Variants in KCNN3 observed in about 807,000 individuals in gnomAD.
KCNN3 encodes potassium calcium-activated channel subfamily N member 3.
In KCNN3, 16 loss-of-function variants were observed where a neutral mutation model predicts 62.9. That is an observed-to-expected ratio of 0.25 (90% confidence interval 0.17 to 0.39). The LOEUF is 0.39. Ranked by LOEUF, KCNN3 falls within the 10% of genes least tolerant of loss-of-function variation. The pLI is 1.00. For missense variants in KCNN3, 599 were observed against 949.4 expected, an observed-to-expected ratio of 0.63 and a Z score of 4.85; for synonymous variants, 370 against 389.2, an observed-to-expected ratio of 0.95 and a Z score of 0.58.
At chr1:154,749,304 C>A (rs6698628) in intron 3 of KCNN3, among the ~76,000 whole-genome samples, 11,283 of 152,274 alleles carry the variant, frequency 0.074, 599 homozygotes, top group African/African-American at 0.14. Flanking sequence ...AAAGAAAAGA[C>A]GGGTGTCTTG....
In KCNN3 at chr1:154,805,400, C is replaced by A. The variant is rs528173028; in HGVS notation, c.1029+16689G>T. Among the ~76,000 whole-genome samples the A allele has an allele frequency of 1.2e-4, 18 of 152,280 alleles. No homozygotes were observed. In the East Asian group the frequency reaches 2.3e-3, roughly 20 times the overall value. On this transcript the variant is annotated intron_variant, in intron 2 of 7. Transcript: ENST00000271915. ...AGCAATTGAGCAATTAAATCAGAATCCCTAGGGGTGGGACTCAGGCACCAG... is the reference window on the plus strand; with the variant it reads ...AGCAATTGAGCAATTAAATCAGAATACCTAGGGGTGGGACTCAGGCACCAG...
chr1:154,856,207 A>C (rs56382016), intron 1 of KCNN3, among the ~76,000 whole-genome samples: 32,806 of 152,144 alleles, frequency 0.22, 4,007 homozygotes, highest in Non-Finnish European at 0.28. Flanking sequence ...GACAAGCAGG[A>C]CTCGTGCCAA....
chr1:154,847,941 C>T (rs1169867312), intron 1 of KCNN3, among the ~76,000 whole-genome samples: 1 of 152,244 alleles, frequency 6.6e-6, no homozygotes, highest in Non-Finnish European at 1.5e-5. Flanking sequence ...TCCCCCAGCT[C>T]CGACACGAAC....
At chr1:154,760,111 C>T (rs1647930423) in intron 3 of KCNN3, among the ~76,000 whole-genome samples, 2 of 152,116 alleles carry the variant, frequency 1.3e-5, no homozygotes, top group South Asian at 4.2e-4. Context: ...CTCTCAGGTT[C>T]AAGCGATTCT....
chr1:154,736,930 A>G lies in KCNN3; in HGVS notation c.1449-3786T>C, dbSNP rs926524160. The G allele has an allele frequency of 4.5e-6, 3 of 672,150 alleles. No homozygotes were observed. In the African/African-American group the frequency reaches 5.3e-5, roughly 12 times the overall value. The allele number at this position is 672,150 out of a possible 1,614,324, so 41.6% of individuals were successfully genotyped here. ...TGTCCTTCGTTGTTTGTCAGCCTTC[A>G]GTGATCGCTTCTCTGGTGGGGGCTA... is the stretch of plus-strand genomic sequence containing the variant. On this transcript the variant is annotated intron_variant, in intron 3 of 7. Coordinates refer to ENST00000271915, the MANE Select transcript of KCNN3 (RefSeq NM_002249.6).
At chr1:154,803,432 G>A (rs902820483) in intron 2 of KCNN3, among the ~76,000 whole-genome samples, 1 of 152,194 alleles carries the variant, frequency 6.6e-6, no homozygotes, top group Admixed American at 6.5e-5. Flanking sequence ...GGATGATCTG[G>A]TGTCATTATT....
chr1:154,846,756 T>A (rs1652078325), intron 1 of KCNN3, among the ~76,000 whole-genome samples: 1 of 152,178 alleles, frequency 6.6e-6, no homozygotes, highest in African/African-American at 2.4e-5. Flanking sequence ...CTCGCTGTAC[T>A]CCACAGTTGG....
chr1:154,808,535 A>T (rs1321860820), intron 2 of KCNN3, among the ~76,000 whole-genome samples: 1 of 152,128 alleles, frequency 6.6e-6, no homozygotes, highest in Non-Finnish European at 1.5e-5. Context: ...CTGCGTGCTT[A>T]TCTCTCCATT....
At chr1:154,778,611 C>CTTTTTTTTTTTTTTTTTTTTT (rs11459390) in intron 2 of KCNN3, among the ~76,000 whole-genome samples, 1 of 73,602 alleles carries the variant, frequency 1.4e-5, no homozygotes, top group Non-Finnish European at 2.5e-5. Context: ...CTCTCTGTCT[C>CTTTTTTTTTTTTTTTTTTTTT]TTTTTTTTTT....
intron 3 of KCNN3, among the ~76,000 whole-genome samples, chr1:154,745,477 C>T (rs562917338): frequency 6.6e-6 from 1 of 152,244 alleles, no homozygotes; most frequent in Non-Finnish European, 1.5e-5. Context: ...GGACAGCTGG[C>T]TGGTGTCACA....
chr1:154,699,188 T>C lies in KCNN3; in HGVS notation c.*8788A>G, dbSNP rs1699801647. ...CAAAACCTTCAGGCACTTGACTTTTTTTTTTTTTTTTAATATCCTTTACCT... is the reference window on the plus strand; with the variant it reads ...CAAAACCTTCAGGCACTTGACTTTTCTTTTTTTTTTTAATATCCTTTACCT... On this transcript the variant is annotated 3_prime_UTR_variant, in exon 8 of 8. Transcript: ENST00000271915. 1 of 151,796 alleles carries C rather than the reference T, an allele frequency of 6.6e-6. No homozygotes were observed. Among genetic ancestry groups the C allele is most frequent in the African/African-American group, 2.4e-5 (1 of 41,310 alleles). The allele number at this position is 151,796 out of a possible 1,614,324, so 9.4% of individuals were successfully genotyped here.
At chr1:154,755,941 G>A (rs374903532) in intron 3 of KCNN3, among the ~76,000 whole-genome samples, 2 of 141,016 alleles carry the variant, frequency 1.4e-5, no homozygotes, top group African/African-American at 5.6e-5. Flanking sequence ...GTGGAGGATG[G>A]GGAGGGGAGG....
intron 3 of KCNN3, among the ~76,000 whole-genome samples, chr1:154,752,624 T>C (rs1030781800): frequency 6.6e-6 from 1 of 152,056 alleles, no homozygotes; most frequent in Non-Finnish European, 1.5e-5. Flanking sequence ...GAGGAGAACC[T>C]GTGTAGAATG....
chr1:154,815,018 C>T (rs1650601765), intron 2 of KCNN3, among the ~76,000 whole-genome samples: 2 of 152,234 alleles, frequency 1.3e-5, no homozygotes, highest in South Asian at 4.1e-4. Flanking sequence ...AGGCCCCCAT[C>T]TGGAATTTCC....
At chr1:154,737,100 G>C in intron 3 of KCNN3, 1 of 699,092 alleles carries the variant, frequency 1.4e-6, no homozygotes, top group Non-Finnish European at 2.6e-6. Flanking sequence ...TGTGGGAGTA[G>C]AGAGGAGGGA....
chr1:154,828,466 C>T (rs539262921), intron 1 of KCNN3, among the ~76,000 whole-genome samples: 1 of 152,168 alleles, frequency 6.6e-6, no homozygotes, highest in South Asian at 2.1e-4. Flanking sequence ...ACAAGGCAAG[C>T]TTCCTATTTT....
chr1:154,707,859 C>T lies in KCNN3; in HGVS notation c.*117G>A. 6.0e-6 allele frequency: 7 copies of T among 1,167,468 alleles called. No individual in the cohort carries two copies. The highest frequency in any genetic ancestry group is 4.4e-4 in the Middle Eastern group (2 of 4,578). The allele number at this position is 1,167,468 out of a possible 1,614,324, so 72.3% of individuals were successfully genotyped here. On this transcript the variant is annotated 3_prime_UTR_variant, in exon 8 of 8. Transcript: ENST00000271915. Reference sequence around the variant, plus strand: ...ATGAACATGAGTTAGTTAATTAGCTCGGTCTCTCTTCTTTCCGTTCCCTGG... The same window carrying T: ...ATGAACATGAGTTAGTTAATTAGCTTGGTCTCTCTTCTTTCCGTTCCCTGG...
At chr1:154,748,254 T>C (rs1312922236) in intron 3 of KCNN3, among the ~76,000 whole-genome samples, 1 of 152,038 alleles carries the variant, frequency 6.6e-6, no homozygotes, top group African/African-American at 2.4e-5. Flanking sequence ...TGGTTTTCAT[T>C]GAGCTCCACC....
intron 3 of KCNN3, among the ~76,000 whole-genome samples, chr1:154,754,541 T>C (rs941690437): frequency 6.6e-6 from 1 of 152,232 alleles, no homozygotes; most frequent in Non-Finnish European, 1.5e-5. Flanking sequence ...GTGACATGTG[T>C]TACTTCGAGG....
Sources: allele counts gnomAD v4.1 joint callset (sites outside exome capture counted in the v4.1 genomes callset), GRCh38; gene constraint gnomAD v4.1.1; transcripts MANE v1.5; gene names NCBI Gene and HGNC (gene_info 2026-07-23, HGNC 2026-07-21).